The following APBA2 variants were observed in gnomAD, a reference collection of about 807,000 sequenced individuals.
The protein encoded by APBA2 is amyloid beta precursor protein binding family A member 2.
In APBA2, 30 loss-of-function variants were observed where a neutral mutation model predicts 75.0. The ratio of observed to expected loss-of-function variants is 0.40; its 90% CI spans 0.30 to 0.54. The LOEUF (loss-of-function observed/expected upper bound fraction) is 0.54. Among genes scored for constraint, APBA2 ranks in the 20% least tolerant of loss-of-function variants. APBA2 has a pLI of 0.49. For synonymous variants in APBA2, 444 were observed against 409.6 expected (o/e 1.08, Z -1.01); for missense variants, 801 against 1,016.1 (o/e 0.79, Z 2.88).
chr15:29,098,137 G>A (rs143197353), intron 8 of APBA2, among the ~76,000 whole-genome samples: 213 of 152,254 alleles, frequency 1.4e-3, no homozygotes, highest in Non-Finnish European at 2.4e-3. Context: ...TCCTAGACAC[G>A]CTGATTTCAC....
rs150027586 is a variant in APBA2, at chr15:29,101,720, C to T, written c.1460C>T (p.Thr487Met). 2.0e-5 allele frequency: 32 copies of T among 1,613,574 alleles called. No homozygotes were observed. The highest frequency in any genetic ancestry group is 4.4e-5 in the South Asian group (4 of 91,086). ...RSASQDCIET[T>M]PGAQEGKKQY... is the part of the protein sequence containing the mutation. ...GCCTCTCAGGACTGCATCGAGACCA[C>T]GCCCGGGGCCCAGGAAGGCAAGAAG... Residue 487 changes from threonine (T) to methionine (M), a missense_variant, in exon 10 of 15, where the codon ACG (threonine) becomes ATG (methionine). Coordinates refer to ENST00000683413, the MANE Select transcript of APBA2 (RefSeq NM_001353788.2).
At chr15:29,053,724 C>G in intron 3 of APBA2, 121 bp from the exon 4 acceptor site, 1 of 641,246 alleles carries the variant, frequency 1.6e-6, no homozygotes, top group Non-Finnish European at 2.7e-6. Context: ...ACTGTTTGAA[C>G]AGATGTGCCC....
At chr15:29,042,497 A>G (rs7177481) in intron 3 of APBA2, among the ~76,000 whole-genome samples, 32,498 of 151,836 alleles carry the variant, frequency 0.21, 4,370 homozygotes, top group East Asian at 0.45. Context: ...TGACCTTGTG[A>G]TCCGCCCGCC....
At chr15:29,041,509 TA>T (rs1193796179) in intron 3 of APBA2, among the ~76,000 whole-genome samples, 2 of 148,572 alleles carry the variant, frequency 1.3e-5, no homozygotes, top group Admixed American at 6.7e-5. Context: ...AAGCAATTAT[TA>T]AAAAAAGGTA....
chr15:28,941,544 A>G lies in APBA2; in HGVS notation c.-95+19795A>G, dbSNP rs563015994. The stretch of plus-strand genomic sequence containing the variant: ...AAAAAAAGAGGTGGAAGCACAACCA[A>G]CGGTTAAAGGGGACATAAAAGGCAC... On this transcript the variant is annotated intron_variant, in intron 2 of 14. Coordinates refer to ENST00000683413, the MANE Select transcript of APBA2 (RefSeq NM_001353788.2). Among the ~76,000 whole-genome samples the G allele has an allele frequency of 3.3e-5, 5 of 150,712 alleles. No individual in the cohort carries two copies. In the South Asian group the frequency reaches 1.0e-3, roughly 32 times the overall value.
chr15:29,045,965 A>G (rs2041306329), intron 3 of APBA2, among the ~76,000 whole-genome samples: 1 of 152,112 alleles, frequency 6.6e-6, no homozygotes. Context: ...CTGTCCCCAT[A>G]TAACAGTTGT....
chr15:29,097,118 A>G (rs2043886234), intron 8 of APBA2, among the ~76,000 whole-genome samples: 2 of 152,270 alleles, frequency 1.3e-5, no homozygotes, highest in South Asian at 2.1e-4. Flanking sequence ...TCAGTCCCCC[A>G]AGGACGCTGT....
At chr15:29,043,549 C>A (rs1196900491) in intron 3 of APBA2, among the ~76,000 whole-genome samples, 1 of 152,214 alleles carries the variant, frequency 6.6e-6, no homozygotes, top group Non-Finnish European at 1.5e-5. Context: ...TCGAAGGCAG[C>A]CCTTGCTAAC....
chr15:29,055,489 A>T (rs2041842224), intron 4 of APBA2, among the ~76,000 whole-genome samples: 1 of 152,188 alleles, frequency 6.6e-6, no homozygotes, highest in South Asian at 2.1e-4. Flanking sequence ...CGTGCATTCT[A>T]ATAAACACAT....
chr15:28,982,274 C>T (rs1403622100), intron 2 of APBA2, among the ~76,000 whole-genome samples: 2 of 152,232 alleles, frequency 1.3e-5, no homozygotes. Flanking sequence ...CATATTGACA[C>T]AAGGCAGGAC....
At chr15:28,917,083 T>C (rs1334396721) in intron 1 of APBA2, among the ~76,000 whole-genome samples, 2 of 152,116 alleles carry the variant, frequency 1.3e-5, no homozygotes, top group Non-Finnish European at 1.5e-5. Flanking sequence ...TCTGAGGCCA[T>C]GAGGTGGGAA....
chr15:29,054,095 G>C lies in APBA2; in HGVS notation c.211G>C (p.Asp71His). 1 of 1,614,108 alleles carries C rather than the reference G, an allele frequency of 6.2e-7. No individual in the cohort carries two copies. The highest frequency in any genetic ancestry group is 1.7e-5 in the Admixed American group (1 of 60,026). Reference sequence around the variant, plus strand: ...GTGCCACAACCACAGCCCCGATGGGGACTCCAGCTCTGACTACGTGAACAA... The same window carrying C: ...GTGCCACAACCACAGCCCCGATGGGCACTCCAGCTCTGACTACGTGAACAA... ...QECHNHSPDGDSSSDYVNNTS... is the reference protein window; with the variant it reads ...QECHNHSPDGHSSSDYVNNTS... The change falls in exon 4 of 15, where the codon GAC becomes CAC. Residue 71 changes from aspartate (D) to histidine (H), a missense_variant. Physicochemically the swap from Asp to His is moderately conservative, Grantham distance 81 (BLOSUM62 -1). This residue lies in a region of APBA2 where 434 missense variants were observed against 471.6 expected (regional missense o/e 0.92). Transcript: ENST00000683413. The surrounding 1 kb of genome is among the most constrained non-coding windows in gnomAD (Gnocchi z 6.1).
chr15:29,033,040 A>G (rs1168566872), intron 3 of APBA2, among the ~76,000 whole-genome samples: 1 of 152,190 alleles, frequency 6.6e-6, no homozygotes, highest in African/African-American at 2.4e-5. Flanking sequence ...TGCCATCCTT[A>G]TCCAAGCTGC....
chr15:28,954,410 A>G (rs948984705), intron 2 of APBA2, among the ~76,000 whole-genome samples: 6 of 152,104 alleles, frequency 3.9e-5, no homozygotes, highest in African/African-American at 7.2e-5. Flanking sequence ...TTAAAACTCT[A>G]TCCTGCAAAA....
chr15:28,935,116 G>A (rs1458583829), intron 2 of APBA2, among the ~76,000 whole-genome samples: 2 of 152,180 alleles, frequency 1.3e-5, no homozygotes, highest in African/African-American at 4.8e-5. Context: ...ACTGGAACGA[G>A]GAGAGACTGG....
intron 2 of APBA2, among the ~76,000 whole-genome samples, chr15:28,944,141 G>A (rs1565409): frequency 0.051 from 7,748 of 152,232 alleles, 513 homozygotes; most frequent in East Asian, 0.33. Flanking sequence ...GCTGATGGCT[G>A]CGACTGCTTT....
intron 3 of APBA2, among the ~76,000 whole-genome samples, chr15:29,045,073 CT>C (rs1566940696): frequency 1.9e-5 from 2 of 108,004 alleles, no homozygotes; most frequent in African/African-American, 1.8e-4. Flanking sequence ...CCCTCCTTCT[CT>C]CTCTCTCTCT....
chr15:29,031,501 C>T (rs1206746565), intron 3 of APBA2, among the ~76,000 whole-genome samples: 2 of 152,018 alleles, frequency 1.3e-5, no homozygotes, highest in African/African-American at 4.8e-5. Flanking sequence ...TGGAGTTTTG[C>T]TCTTGTTGCC....
At chr15:28,899,301 TGTGAA>T (rs2032703998) in intron 1 of APBA2, among the ~76,000 whole-genome samples, 1 of 152,240 alleles carries the variant, frequency 6.6e-6, no homozygotes, top group Admixed American at 6.5e-5. Context: ...CTCATCTACC[TGTGAA>T]CTTCTCATTC....
Sources: allele counts gnomAD v4.1 joint callset (sites outside exome capture counted in the v4.1 genomes callset), GRCh38; gene constraint gnomAD v4.1.1; regional missense constraint gnomAD v4.1.1; non-coding constraint Gnocchi (gnomAD v3.1); transcripts MANE v1.5; gene names NCBI Gene and HGNC (gene_info 2026-07-23, HGNC 2026-07-21).